The following TAFA5 variants were observed in gnomAD, a reference collection of about 807,000 sequenced individuals.
The protein encoded by TAFA5 is chemokine-like protein TAFA-5.
In TAFA5, 6 loss-of-function variants were observed where a neutral mutation model predicts 15.3. The observed-to-expected ratio is 0.39, with a 90% CI of 0.21 to 0.77. The LOEUF (loss-of-function observed/expected upper bound fraction) is 0.77. TAFA5 is among the 30% of genes least tolerant of loss of function. The probability of loss-of-function intolerance (pLI) is 0.41; values close to 1 mark genes in which losing one functional copy is unlikely to be tolerated. For synonymous variants in TAFA5, 103 were observed against 80.7 expected (o/e 1.28, Z -1.48); for missense variants, 161 against 193.1 (o/e 0.83, Z 0.98).
At chr22:48,504,802 C>A (rs922738927) in intron 1 of TAFA5, among the ~76,000 whole-genome samples, 20 of 152,322 alleles carry the variant, frequency 1.3e-4, no homozygotes, top group Non-Finnish European at 2.4e-4. Context: ...ATCCCAGAGA[C>A]CCCTGCAGGC....
chr22:48,575,408 C>T (rs886633213), intron 1 of TAFA5, among the ~76,000 whole-genome samples: 74 of 146,906 alleles, frequency 5.0e-4, no homozygotes, highest in African/African-American at 1.8e-3. Flanking sequence ...GGGCGCGGGC[C>T]GGAGTCCGAG....
chr22:48,511,939 G>A (rs1331478018), intron 1 of TAFA5, among the ~76,000 whole-genome samples: 9 of 152,248 alleles, frequency 5.9e-5, no homozygotes, highest in East Asian at 1.9e-4. Context: ...GGAACGGTGC[G>A]CTCACTCACT....
intron 2 of TAFA5, among the ~76,000 whole-genome samples, chr22:48,684,191 G>A (rs1228980738): frequency 6.6e-6 from 1 of 152,122 alleles, no homozygotes; most frequent in African/African-American, 2.4e-5. Context: ...AAGCAGAAGT[G>A]CGTGGGGATG....
At position 48,490,086 on chromosome 22, in the gene TAFA5, G is replaced by C; in HGVS notation, c.112+382G>C. On this transcript the variant is annotated intron_variant, in intron 1 of 3. Coordinates refer to ENST00000402357, the MANE Select transcript of TAFA5 (RefSeq NM_001082967.3). The surrounding 1 kb of genome is among the most constrained non-coding windows in gnomAD (Gnocchi z 5.8). ...TCGCGGAGGGCGGGCGGCGCTGCCG[G>C]GGTGTCTGCGGAGCGCCCTCCCCGT... is the stretch of plus-strand genomic sequence containing the variant. 6.6e-6 allele frequency among the ~76,000 whole-genome samples: 1 copy of C among 152,062 alleles called. No individual in the cohort carries two copies. Among genetic ancestry groups the C allele is most frequent in the East Asian group, 1.9e-4 (1 of 5,136 alleles).
At chr22:48,581,760 C>A (rs1368900675) in intron 1 of TAFA5, among the ~76,000 whole-genome samples, 1 of 152,140 alleles carries the variant, frequency 6.6e-6, no homozygotes, top group Non-Finnish European at 1.5e-5. Context: ...TGTGTGTGAT[C>A]TTCTTAAACA....
Position 48,489,975 on chromosome 22 carries a change from G to A in TAFA5, c.112+271G>A, listed in dbSNP as rs2147089315. 6.6e-6 allele frequency among the ~76,000 whole-genome samples: 1 copy of A among 151,942 alleles called. No homozygotes were observed. The highest frequency in any genetic ancestry group is 6.5e-5 in the Admixed American group (1 of 15,270). ...CGGCAGGGCCCGGGCTCCAGGCCCC[G>A]GGTGGCGCGGCCCGTCCCTGCCCGG... On this transcript the variant is annotated intron_variant, in intron 1 of 3. Transcript: ENST00000402357. This position sits in a 1 kb window ranked among gnomAD's most constrained non-coding sequence, Gnocchi z 5.5.
At chr22:48,589,703 A>AG (rs994097203) in intron 1 of TAFA5, among the ~76,000 whole-genome samples, 1 of 152,150 alleles carries the variant, frequency 6.6e-6, no homozygotes, top group African/African-American at 2.4e-5. Flanking sequence ...GCAAACAGAG[A>AG]GGGGGCCTCG....
chr22:48,740,603 G>A (rs1051169242), intron 3 of TAFA5, among the ~76,000 whole-genome samples: 21 of 152,232 alleles, frequency 1.4e-4, no homozygotes, highest in Middle Eastern at 3.4e-3. Context: ...CCGTCTCAGC[G>A]AAGGTCCAGC....
intron 1 of TAFA5, among the ~76,000 whole-genome samples, chr22:48,554,222 C>T (rs962575485): frequency 2.0e-5 from 3 of 151,626 alleles, no homozygotes; most frequent in African/African-American, 7.3e-5. Flanking sequence ...GTCTGGGCTT[C>T]GACTTTGAAG....
intron 2 of TAFA5, among the ~76,000 whole-genome samples, chr22:48,691,100 C>T (rs1237647497): frequency 6.6e-6 from 1 of 152,174 alleles, no homozygotes; most frequent in South Asian, 2.1e-4. Context: ...CCGCAGCGGC[C>T]GGTGAAGTCC....
chr22:48,531,131 C>G lies in TAFA5; in HGVS notation c.112+41427C>G, dbSNP rs1388155839. On this transcript the variant is annotated intron_variant, in intron 1 of 3. Transcript: ENST00000402357. ...CGACGTGGCTGGGCCTGTTTCAGAT[C>G]CAGGAAGTGTGGGTCTGCATGGGGA... Among the ~76,000 whole-genome samples the G allele has an allele frequency of 5.5e-5, 7 of 127,790 alleles. No individual in the cohort carries two copies. In the East Asian group the frequency reaches 2.4e-3, roughly 44 times the overall value. 83.8% of individuals were successfully genotyped at this position (127,790 alleles called of 152,430 possible). A position where few individuals can be genotyped will look rare whatever the true frequency, so the allele number is the denominator to read the frequency against.
intron 1 of TAFA5, among the ~76,000 whole-genome samples, chr22:48,537,722 T>C (rs1399708551): frequency 6.6e-6 from 1 of 152,220 alleles, no homozygotes; most frequent in Non-Finnish European, 1.5e-5. Flanking sequence ...GGAGGCCCCT[T>C]TCTGCTCCCC....
At chr22:48,749,465 G>A (rs1185945013) in intron 3 of TAFA5, among the ~76,000 whole-genome samples, 1 of 152,310 alleles carries the variant, frequency 6.6e-6, no homozygotes, top group East Asian at 1.9e-4. Flanking sequence ...CCAGGAAGCT[G>A]GGAGGGGTTT....
In TAFA5 at chr22:48,550,043, A is replaced by C. The variant is rs1198062875; in HGVS notation, c.112+60339A>C. Among the ~76,000 whole-genome samples, 1 of 152,210 alleles carries C rather than the reference A, an allele frequency of 6.6e-6. No homozygotes were observed. The highest frequency in any genetic ancestry group is 1.9e-4 in the East Asian group (1 of 5,186). ...TTCTCAAAGAGAAACCGAGTCACAGAGTGTTTCAGTAACTGAGAACATTAA... is the reference window on the plus strand; with the variant it reads ...TTCTCAAAGAGAAACCGAGTCACAGCGTGTTTCAGTAACTGAGAACATTAA... On this transcript the variant is annotated intron_variant, in intron 1 of 3. Transcript: ENST00000402357. The surrounding 1 kb of genome is among the most constrained non-coding windows in gnomAD (Gnocchi z 4.1).
chr22:48,597,826 G>A (rs1038997297), intron 1 of TAFA5, among the ~76,000 whole-genome samples: 7 of 152,368 alleles, frequency 4.6e-5, no homozygotes, highest in African/African-American at 1.7e-4. Context: ...GGAGACCCTG[G>A]TGAGGCTGGA....
intron 1 of TAFA5, among the ~76,000 whole-genome samples, chr22:48,554,800 T>C (rs1378207122): frequency 6.6e-6 from 1 of 152,230 alleles, no homozygotes; most frequent in African/African-American, 2.4e-5. Context: ...CTGCTGGTTT[T>C]TACAAAGATG....
intron 1 of TAFA5, among the ~76,000 whole-genome samples, chr22:48,529,215 C>CCAGGCAGGAGATGGGGGTGTT: frequency 1.5e-5 from 2 of 137,896 alleles, no homozygotes; most frequent in Non-Finnish European, 3.1e-5. Context: ...ATGAGGATGT[C>CCAGGCAGGAGATGGGGGTGTT]CAGGCAGGAG....
chr22:48,713,213 G>A (rs146462888), intron 3 of TAFA5, among the ~76,000 whole-genome samples: 13 of 152,334 alleles, frequency 8.5e-5, no homozygotes, highest in South Asian at 4.1e-4. Flanking sequence ...TCGGGAACTC[G>A]TATTTCATGG....
At chr22:48,669,524 G>GA (rs745957762) in intron 2 of TAFA5, among the ~76,000 whole-genome samples, 3 of 152,252 alleles carry the variant, frequency 2.0e-5, no homozygotes, top group Non-Finnish European at 2.9e-5. Context: ...GAGTGACCCT[G>GA]AAGTGCCCCA....
Sources: gnomAD v4.1 joint callset for allele counts (sites outside exome capture counted in the v4.1 genomes callset) on GRCh38, gnomAD v4.1.1 for gene constraint, Gnocchi (gnomAD v3.1) non-coding constraint, MANE v1.5 for transcripts, NCBI Gene and HGNC (gene_info 2026-07-23, HGNC 2026-07-21) for gene names.